Variants in ABCA9 observed in about 807,000 individuals in gnomAD.
ABCA9 encodes the protein ATP binding cassette subfamily A member 9, also known as ATP-binding cassette sub-family A member 9.
In ABCA9, 183 loss-of-function variants were observed where a neutral mutation model predicts 205.3. That is an observed-to-expected ratio of 0.89 (90% CI 0.79 to 1.01). The LOEUF is 1.01. Among genes scored for constraint, ABCA9 ranks in the 50% least tolerant of loss-of-function variants. ABCA9 has a pLI of 0.00. For synonymous variants in ABCA9, 651 were observed against 683.3 expected (o/e 0.95, Z 0.74); for missense variants, 1,805 against 1,912.4 (o/e 0.94, Z 1.05).
chr17:68,974,699 A>G lies in ABCA9; in HGVS notation c.*1216T>C. The G allele has an allele frequency of 6.6e-6, 1 of 152,214 alleles. No individual in the cohort carries two copies. Among genetic ancestry groups the G allele is most frequent in the South Asian group, 2.1e-4 (1 of 4,828 alleles). The allele number at this position is 152,214 out of a possible 1,614,324, so 9.4% of individuals were successfully genotyped here. On this transcript the variant is annotated 3_prime_UTR_variant, in exon 39 of 39. Coordinates refer to ENST00000340001, the MANE Select transcript of ABCA9 (RefSeq NM_080283.4). ...AGTTGGATAGGTCATAATAATATAT[A>G]GAGATATGGGAAATTAAGACCTATG...
chr17:69,044,651 C>A (rs751490942), intron 4 of ABCA9, 51 bp from the exon 5 acceptor site: 2 of 1,521,490 alleles, frequency 1.3e-6, no homozygotes, highest in Middle Eastern at 1.7e-4. Context: ...ATCTTGGCTA[C>A]AGAAAAAAAC....
chr17:69,018,014 G>A, intron 20 of ABCA9: 1 of 475,832 alleles, frequency 2.1e-6, no homozygotes, highest in Non-Finnish European at 3.7e-6. Flanking sequence ...ATTTCTATTA[G>A]TATAGAAATA....
At chr17:69,050,994 C>T in intron 2 of ABCA9, 37 bp downstream of exon 2, 2 of 1,574,276 alleles carry the variant, frequency 1.3e-6, no homozygotes, top group Middle Eastern at 1.7e-4. Flanking sequence ...ACTTTTTCAT[C>T]CTCTAAATAT....
In ABCA9 at chr17:68,975,979, C is replaced by T; in HGVS notation, c.4811G>A (p.Gly1604Asp). 1 of 1,613,766 alleles carries T rather than the reference C, an allele frequency of 6.2e-7. No individual in the cohort carries two copies. Among genetic ancestry groups the T allele is most frequent in the Non-Finnish European group, 8.5e-7 (1 of 1,179,878 alleles). Residue 1604 changes from glycine (G) to aspartate (D), a missense_variant, in exon 39 of 39, where the codon GGT becomes GAT. Physicochemically the swap from Gly to Asp is moderately conservative, Grantham distance 94. Transcript: ENST00000340001. ...GGGATCAAAGTCCTCTTCAAGATCA[C>T]CCAGCTCCTGCTCCTTGGAGAGCTC... is the stretch of plus-strand genomic sequence containing the variant. ...FLELSKEQELGDLEEDFDPSV... is the reference protein window; with the variant it reads ...FLELSKEQELDDLEEDFDPSV...
chr17:69,013,576 T>G (rs2070464968), intron 22 of ABCA9, among the ~76,000 whole-genome samples: 1 of 152,164 alleles, frequency 6.6e-6, no homozygotes, highest in South Asian at 2.1e-4. Context: ...GACAACCAGC[T>G]TCCTTACTCA....
In ABCA9 at chr17:69,018,017, T is replaced by C. The variant is rs1598379206; in HGVS notation, c.2768-228A>G. On this transcript the variant is annotated intron_variant, in intron 20 of 38. Transcript: ENST00000340001. ...CATTTCATTATAATTTCTATTAGTA[T>C]AGAAATAAGAATTGCTGTTAACATT... The C allele has an allele frequency of 1.3e-5, 6 of 476,746 alleles. No individual in the cohort carries two copies. In the East Asian group the frequency reaches 2.0e-4, roughly 16 times the overall value. The allele number at this position is 476,746 out of a possible 1,614,324, so 29.5% of individuals were successfully genotyped here.
chr17:69,020,554 C>T lies in ABCA9; in HGVS notation c.2434G>A (p.Gly812Arg). ...ACAAGGCTTCCTATATCTTTTGCCC[C>T]ATCAGTTTGTAATTGTCCCCAAATT... is the stretch of plus-strand genomic sequence containing the variant. ...IGIWGQLQTD[G>R]AKDIGSLVEL... The change falls in exon 19 of 39, where the codon GGG becomes AGG. Residue 812 changes from glycine (G) to arginine (R), a missense_variant. Gly to Arg is a moderately radical substitution (Grantham distance 125). Transcript: ENST00000340001. The T allele has an allele frequency of 6.2e-7, 1 of 1,613,936 alleles. No homozygotes were observed. The highest frequency in any genetic ancestry group is 1.3e-5 in the African/African-American group (1 of 75,002).
intron 12 of ABCA9, among the ~76,000 whole-genome samples, 169 bp from the exon 13 acceptor site, chr17:69,027,984 T>G (rs1417140164): frequency 1.3e-5 from 2 of 152,252 alleles, no homozygotes; most frequent in African/African-American, 4.8e-5. Flanking sequence ...CAATAACATC[T>G]GATCTAGCTG....
Position 69,023,813 on chromosome 17 carries a change from AAAC to A in ABCA9, c.2281+398_2281+400del, listed in dbSNP as rs2070895694. Among the ~76,000 whole-genome samples the A allele has an allele frequency of 6.6e-6, 1 of 151,988 alleles. No homozygotes were observed. Among genetic ancestry groups the A allele is most frequent in the African/African-American group, 2.4e-5 (1 of 41,296 alleles). ...ATATCAGTATGTGCTGGTGTTTCTA[AAAC>A]AACCTATTTATTGTGTACAATTCTT... On this transcript the variant is annotated intron_variant, in intron 17 of 38. Transcript: ENST00000340001. This position sits in a 1 kb window ranked among gnomAD's most constrained non-coding sequence, Gnocchi z 4.2.
chr17:68,983,990 A>C (rs1193235386), intron 35 of ABCA9, 66 bp downstream of exon 35: 3 of 1,606,212 alleles, frequency 1.9e-6, no homozygotes, highest in Non-Finnish European at 2.6e-6. Context: ...AGCCTGGTGC[A>C]GGGAAATAAA....
At chr17:69,005,715 G>C (rs1249588866) in intron 25 of ABCA9, among the ~76,000 whole-genome samples, 1 of 152,024 alleles carries the variant, frequency 6.6e-6, no homozygotes, top group African/African-American at 2.4e-5. Context: ...AATATAACTT[G>C]TATGATGTTT....
intron 1 of ABCA9, among the ~76,000 whole-genome samples, chr17:69,052,564 A>AG (rs2071941613): frequency 6.6e-6 from 1 of 152,320 alleles, no homozygotes; most frequent in East Asian, 1.9e-4. Flanking sequence ...GTAACGAGGG[A>AG]GAAAAAAAAG....
At chr17:69,055,495 G>A (rs1473609980) in intron 1 of ABCA9, among the ~76,000 whole-genome samples, 1 of 152,136 alleles carries the variant, frequency 6.6e-6, no homozygotes, top group Admixed American at 6.5e-5. Context: ...TTTAACATGT[G>A]TGTGCTAACA....
In ABCA9 at chr17:68,986,307, G is replaced by A. The variant is rs767723466; in HGVS notation, c.4065C>T (p.Ser1355=). 2.1e-5 allele frequency: 34 copies of A among 1,606,792 alleles called. No homozygotes were observed. The highest frequency in any genetic ancestry group is 5.6e-5 in the South Asian group (5 of 89,912). Residue 1355 remains serine (S), a synonymous_variant, in exon 32 of 39, where the codon AGC becomes AGT. Transcript: ENST00000340001. The part of the protein sequence containing the change: ...PTAGQVILKG[S]GGGEPLGFLG... ...GGAAGCCCAGGGGTTCCCCTCCACC[G>A]CTCCCTTTCAAAATCACCTATGCAA...
intron 25 of ABCA9, among the ~76,000 whole-genome samples, chr17:68,997,946 C>T (rs1231000273): frequency 6.6e-6 from 1 of 152,188 alleles, no homozygotes; most frequent in East Asian, 1.9e-4. Context: ...ATTCATCCCT[C>T]ACTCCCTATG....
chr17:69,075,214 GT>G, the ABCA9 span, among the ~76,000 whole-genome samples: 1 of 152,080 alleles, frequency 6.6e-6, no homozygotes, highest in Admixed American at 6.5e-5. Flanking sequence ...TCTGTTGATA[GT>G]TTCTTTTGCC....
At chr17:68,992,736 A>G (rs1005038461) in intron 27 of ABCA9, 42 of 271,462 alleles carry the variant, frequency 1.5e-4, no homozygotes, top group Non-Finnish European at 5.6e-5. Context: ...TTGCTTGAAC[A>G]CGGGAGGTGG....
At position 69,014,317 on chromosome 17, in the gene ABCA9, GAAT is replaced by G. The variant is rs374194135; in HGVS notation, c.3039+1933_3039+1935del. ...CAACACAGAGTTTATTAAAAACATT[GAAT>G]AAAAATATCTTCAGGCTCTGTGTAA... On this transcript the variant is annotated intron_variant, in intron 22 of 38. Transcript: ENST00000340001. 1.6e-3 allele frequency among the ~76,000 whole-genome samples: 249 copies of G among 152,162 alleles called. 1 individual carries two copies. The highest frequency in any genetic ancestry group is 5.9e-3 in the African/African-American group (246 of 41,518).
Position 69,028,585 on chromosome 17 carries a change from C to T in ABCA9, c.1565G>A (p.Gly522Glu), listed in dbSNP as rs1221587520. The T allele has an allele frequency of 5.0e-6, 8 of 1,610,646 alleles. No homozygotes were observed. The Admixed American group carries it at 1.3e-4, about 27-fold the overall frequency. ...ITALLGHSGAGKTTLLNILSG... is the reference protein window; with the variant it reads ...ITALLGHSGAEKTTLLNILSG... ...AAGTATGTTTAACAGGGTAGTTTTTCCAGCTCCACTGTGACCAAGGAGGGC... is the reference window on the plus strand; with the variant it reads ...AAGTATGTTTAACAGGGTAGTTTTTTCAGCTCCACTGTGACCAAGGAGGGC... Residue 522 changes from glycine (G) to glutamate (E), a missense_variant, in exon 12 of 39, where the codon GGA becomes GAA. Physicochemically the swap from Gly to Glu is moderately conservative, Grantham distance 98. Coordinates refer to ENST00000340001, the MANE Select transcript of ABCA9 (RefSeq NM_080283.4).
Sources: gnomAD v4.1 joint callset for allele counts (sites outside exome capture counted in the v4.1 genomes callset) on GRCh38, gnomAD v4.1.1 for gene constraint, Gnocchi (gnomAD v3.1) non-coding constraint, MANE v1.5 for transcripts, NCBI Gene and HGNC (gene_info 2026-07-23, HGNC 2026-07-21) for gene names.